Variants in ARMC9 observed in about 807,000 individuals in gnomAD.
ARMC9 encodes the protein lisH domain-containing protein ARMC9.
ARMC9 carries 94 observed loss-of-function variants against 107.0 expected under a neutral mutation model. The observed-to-expected ratio is 0.88, with a 90% CI of 0.74 to 1.04. The LOEUF (loss-of-function observed/expected upper bound fraction) is 1.04. ARMC9 is among the 50% of genes least tolerant of loss of function. ARMC9 has a pLI of 0.00. For synonymous variants in ARMC9, 380 were observed against 396.9 expected (o/e 0.96, Z 0.51); for missense variants, 942 against 1,030.1 (o/e 0.91, Z 1.17).
At position 231,255,359 on chromosome 2, in the gene ARMC9, A is replaced by G. The variant is rs182534652; in HGVS notation, c.880-1227A>G. Among the ~76,000 whole-genome samples, 129 of 152,304 alleles carry G rather than the reference A, an allele frequency of 8.5e-4. 1 individual carries two copies. The highest frequency in any genetic ancestry group is 1.4e-3 in the Non-Finnish European group (96 of 68,028). ...TGTAGAAAATGTTTGACTTGGTACAAAGTGCACATTTTTATACTTGAAGAG... is the reference window on the plus strand; with the variant it reads ...TGTAGAAAATGTTTGACTTGGTACAGAGTGCACATTTTTATACTTGAAGAG... On this transcript the variant is annotated intron_variant, in intron 9 of 24. Transcript: ENST00000611582. This position sits in a 1 kb window ranked among gnomAD's most constrained non-coding sequence, Gnocchi z 4.7.
At chr2:231,208,393 G>C (rs12465438) in intron 3 of ARMC9, 141 bp downstream of exon 3, 2 of 637,986 alleles carry the variant, frequency 3.1e-6, no homozygotes, top group Non-Finnish European at 5.5e-6. Flanking sequence ...GTTTATAGAT[G>C]AACTAATAAT....
At chr2:231,331,697 CT>C in intron 19 of ARMC9, 95 bp from the exon 20 acceptor site, 1 of 1,095,206 alleles carries the variant, frequency 9.1e-7, no homozygotes, top group South Asian at 1.4e-5. Flanking sequence ...TGGCCGAGGC[CT>C]TCTTGTTTCA....
intron 19 of ARMC9, among the ~76,000 whole-genome samples, chr2:231,325,985 T>G: frequency 6.6e-6 from 1 of 152,144 alleles, no homozygotes; most frequent in Non-Finnish European, 1.5e-5. Flanking sequence ...CCATTTGTGA[T>G]TAGACAAGAG....
intron 1 of ARMC9, among the ~76,000 whole-genome samples, chr2:231,202,872 T>C: frequency 6.6e-6 from 1 of 152,128 alleles, no homozygotes; most frequent in Non-Finnish European, 1.5e-5. Context: ...TTCTGTTCCC[T>C]TCAGGTGCAC....
chr2:231,345,035 GA>G lies in ARMC9; in HGVS notation c.1940del (p.Asp647ValfsTer105). The G allele has an allele frequency of 6.2e-7, 1 of 1,614,114 alleles. No individual in the cohort carries two copies. Among genetic ancestry groups the G allele is most frequent in the Non-Finnish European group, 8.5e-7 (1 of 1,180,022 alleles). On this transcript the variant is annotated frameshift_variant, in exon 21 of 25. Coordinates refer to ENST00000611582, the MANE Select transcript of ARMC9 (RefSeq NM_001352754.2). LOFTEE classifies it high-confidence loss of function. ...GCTGGCTAATGTGCAGTGGAGCGGG[GA>G]TGAGCCCCTGCAAAGGCCCGTCACC... is the stretch of plus-strand genomic sequence containing the variant. ...KGLANVQWSGDEPLQRPVTPG... is the reference protein window; with the variant it reads ...KGLANVQWSGXEPLQRPVTPG...
intron 3 of ARMC9, among the ~76,000 whole-genome samples, chr2:231,212,034 AT>A (rs2032940676): frequency 2.0e-5 from 3 of 152,306 alleles, no homozygotes; most frequent in Admixed American, 6.5e-5. Flanking sequence ...AATAAAAAAA[AT>A]ATGTAGAACT....
intron 21 of ARMC9, 191 bp downstream of exon 21, chr2:231,345,281 C>A: frequency 9.1e-7 from 1 of 1,101,972 alleles, no homozygotes; most frequent in Non-Finnish European, 1.2e-6. Flanking sequence ...TTTTTTATTC[C>A]AGAAGGAGAA....
chr2:231,251,059 G>T (rs140845936), intron 9 of ARMC9, among the ~76,000 whole-genome samples: 200 of 152,306 alleles, frequency 1.3e-3, no homozygotes, highest in African/African-American at 4.4e-3. Context: ...GGAGCCCCTG[G>T]CATGGGGATT....
intron 18 of ARMC9, among the ~76,000 whole-genome samples, chr2:231,293,042 C>T (rs868099412): frequency 2.0e-5 from 3 of 152,112 alleles, no homozygotes; most frequent in Non-Finnish European, 2.9e-5. Context: ...AAGGGGCTCC[C>T]GATCAAAAGG....
chr2:231,289,078 A>T lies in ARMC9; in HGVS notation c.1627-2275A>T, dbSNP rs148869401. On this transcript the variant is annotated intron_variant, in intron 17 of 24. Transcript: ENST00000611582. ...TACCTGACCTAAATTATCTGAAATGACAAGTTATTACTTTCAGGATAAGAT... is the reference window on the plus strand; with the variant it reads ...TACCTGACCTAAATTATCTGAAATGTCAAGTTATTACTTTCAGGATAAGAT... Among the ~76,000 whole-genome samples the T allele has an allele frequency of 3.2e-3, 490 of 152,362 alleles. 1 individual carries two copies. The highest frequency in any genetic ancestry group is 0.017 in the Middle Eastern group (5 of 294).
At position 231,341,797 on chromosome 2, in the gene ARMC9, C is replaced by T. The variant is rs1259840179; in HGVS notation, c.1879-3178C>T. ...TTACCTAAATTGACATGTTGACCAA[C>T]TTTTACTACTGAGTAAATTGCATTC... On this transcript the variant is annotated intron_variant, in intron 20 of 24. Coordinates refer to ENST00000611582, the MANE Select transcript of ARMC9 (RefSeq NM_001352754.2). 2.0e-5 allele frequency among the ~76,000 whole-genome samples: 3 copies of T among 152,326 alleles called. No homozygotes were observed. In the East Asian group the frequency reaches 5.8e-4, roughly 29 times the overall value.
chr2:231,322,964 G>T (rs1287313865), intron 19 of ARMC9, among the ~76,000 whole-genome samples: 2 of 152,142 alleles, frequency 1.3e-5, no homozygotes, highest in African/African-American at 4.8e-5. Context: ...TAGCACAGTG[G>T]CTGGTGCCCT....
At chr2:231,215,803 A>G (rs1212093442) in intron 4 of ARMC9, among the ~76,000 whole-genome samples, 1 of 152,168 alleles carries the variant, frequency 6.6e-6, no homozygotes, top group East Asian at 1.9e-4. Context: ...AGGACCATAC[A>G]TTGTGGTAGC....
At chr2:231,296,325 T>G in intron 19 of ARMC9, 72 bp downstream of exon 19, 1 of 1,308,984 alleles carries the variant, frequency 7.6e-7, no homozygotes, top group Non-Finnish European at 1.1e-6. Context: ...CCTTGACAAG[T>G]TAGTCCAGAA....
intron 5 of ARMC9, among the ~76,000 whole-genome samples, chr2:231,220,596 CAAAAAAAAAAAA>C (rs71396668): frequency 4.5e-5 from 3 of 66,176 alleles, no homozygotes; most frequent in East Asian, 9.7e-4. Flanking sequence ...GACTCCATCT[CAAAAAAAAAAAA>C]AAAAAAAAAA....
intron 9 of ARMC9, among the ~76,000 whole-genome samples, chr2:231,247,554 C>G (rs774772845): frequency 1.8e-4 from 27 of 152,180 alleles, no homozygotes; most frequent in Non-Finnish European, 3.7e-4. Flanking sequence ...TGAGGAGTCT[C>G]CCAACCAGCA....
chr2:231,345,119 T>C (rs767450140), intron 21 of ARMC9, 29 bp downstream of exon 21: 11 of 1,607,690 alleles, frequency 6.8e-6, no homozygotes, highest in Non-Finnish European at 9.3e-6. Flanking sequence ...AAGCGGGAAT[T>C]GACTTTCTTA....
rs1164929545 is a variant in ARMC9 at position 231,358,620 on chromosome 2, G to C, written c.2132-2134G>C. Among the ~76,000 whole-genome samples, 1 of 152,152 alleles carries C rather than the reference G, an allele frequency of 6.6e-6. No homozygotes were observed. Among genetic ancestry groups the C allele is most frequent in the Non-Finnish European group, 1.5e-5 (1 of 68,034 alleles). ...GTGCTGGGAACTAACGCCCCACCCA[G>C]AGACCCCGTGGAAACCCCCACCTTC... On this transcript the variant is annotated intron_variant, in intron 22 of 24. Coordinates refer to ENST00000611582, the MANE Select transcript of ARMC9 (RefSeq NM_001352754.2). The surrounding 1 kb of genome is among the most constrained non-coding windows in gnomAD (Gnocchi z 4.5).
In ARMC9 at chr2:231,355,930, T is replaced by C; in HGVS notation, c.2127T>C (p.Ser709=). The change falls in exon 22 of 25, where the codon TCT becomes TCC. Residue 709 remains serine (S), a synonymous_variant. Coordinates refer to ENST00000611582, the MANE Select transcript of ARMC9 (RefSeq NM_001352754.2). The part of the protein sequence containing the change: ...KPSTPESCVS[S]SSAIIAKPGE... ...GCACCCCGGAGTCCTGCGTCTCCTCTTCATGTAAGAATGTGGGCAGCACAC... is the reference window on the plus strand; with the variant it reads ...GCACCCCGGAGTCCTGCGTCTCCTCCTCATGTAAGAATGTGGGCAGCACAC... 1 of 1,535,070 alleles carries C rather than the reference T, an allele frequency of 6.5e-7. No homozygotes were observed. The highest frequency in any genetic ancestry group is 8.7e-7 in the Non-Finnish European group (1 of 1,146,102).
Sources: gnomAD v4.1 joint callset for allele counts (sites outside exome capture counted in the v4.1 genomes callset) on GRCh38, gnomAD v4.1.1 for gene constraint, Gnocchi (gnomAD v3.1) non-coding constraint, MANE v1.5 for transcripts, NCBI Gene and HGNC (gene_info 2026-07-23, HGNC 2026-07-21) for gene names.